Variants in CCDC85C observed in about 807,000 individuals in gnomAD.
CCDC85C encodes coiled-coil domain containing 85C.
In CCDC85C, 18 loss-of-function variants were observed where a neutral mutation model predicts 38.3. The ratio of observed to expected loss-of-function variants is 0.47; its 90% CI spans 0.33 to 0.70. The LOEUF is 0.70. Ranked by LOEUF, CCDC85C falls within the 30% of genes least tolerant of loss-of-function variation. The pLI, the probability that CCDC85C is intolerant of heterozygous loss-of-function variation, is 0.03. For synonymous variants in CCDC85C, 264 were observed against 293.8 expected (o/e 0.90, Z 1.04); for missense variants, 566 against 621.2 (o/e 0.91, Z 0.94).
chr14:99,568,576 G>A (rs1234457134), intron 1 of CCDC85C, among the ~76,000 whole-genome samples: 1 of 152,146 alleles, frequency 6.6e-6, no homozygotes, highest in African/African-American at 2.4e-5. Flanking sequence ...CCCCGCTCAG[G>A]AAAGACGTGG....
At chr14:99,565,585 G>A (rs1349549645) in intron 1 of CCDC85C, among the ~76,000 whole-genome samples, 1 of 152,164 alleles carries the variant, frequency 6.6e-6, no homozygotes, top group Non-Finnish European at 1.5e-5. Context: ...GTGTGTCTCT[G>A]TGATTCATGC....
intron 1 of CCDC85C, among the ~76,000 whole-genome samples, chr14:99,540,381 G>A (rs915895458): frequency 7.2e-5 from 11 of 152,152 alleles, no homozygotes; most frequent in Non-Finnish European, 1.0e-4. Flanking sequence ...ACTCCCAGGC[G>A]GGGGCTGGAG....
chr14:99,516,144 A>G lies in CCDC85C; in HGVS notation c.1170+44T>C, dbSNP rs1262171131. On this transcript the variant is annotated intron_variant, in intron 5 of 5. Transcript: ENST00000380243. The surrounding 1 kb of genome is among the most constrained non-coding windows in gnomAD (Gnocchi z 5.5). ...GGCCATGCTGGGTGGCCCTGGTCGC[A>G]CTCCCAGTGCCAAGCCTCTGCCCCC... The G allele has an allele frequency of 6.9e-7, 1 of 1,448,582 alleles. No homozygotes were observed. Among genetic ancestry groups the G allele is most frequent in the Admixed American group, 2.0e-5 (1 of 50,804 alleles). The allele number at this position is 1,448,582 out of a possible 1,614,324, so 89.7% of individuals were successfully genotyped here.
intron 1 of CCDC85C, among the ~76,000 whole-genome samples, chr14:99,590,477 G>A (rs2055073976): frequency 6.6e-6 from 1 of 152,184 alleles, no homozygotes; most frequent in Non-Finnish European, 1.5e-5. Context: ...GGGGTACCGG[G>A]GGCCTCCAGG....
At chr14:99,524,260 G>C (rs1293133966) in intron 2 of CCDC85C, among the ~76,000 whole-genome samples, 1 of 152,036 alleles carries the variant, frequency 6.6e-6, no homozygotes, top group Non-Finnish European at 1.5e-5. Context: ...GCCAGGAAGG[G>C]TACACCTGGG....
chr14:99,525,604 GCCT>G (rs1464144888), intron 2 of CCDC85C, among the ~76,000 whole-genome samples: 1 of 152,262 alleles, frequency 6.6e-6, no homozygotes, highest in Non-Finnish European at 1.5e-5. Context: ...CAAACAGAGC[GCCT>G]CCTGTGTGCC....
At chr14:99,567,524 A>T (rs1369189332) in intron 1 of CCDC85C, among the ~76,000 whole-genome samples, 1 of 152,168 alleles carries the variant, frequency 6.6e-6, no homozygotes, top group African/African-American at 2.4e-5. Flanking sequence ...GATAAAACTA[A>T]TCTTAAGATA....
chr14:99,540,836 T>C lies in CCDC85C; in HGVS notation c.794-4748A>G, dbSNP rs150384967. On this transcript the variant is annotated intron_variant, in intron 1 of 5. Transcript: ENST00000380243. The stretch of plus-strand genomic sequence containing the variant: ...GGTGGGGGAAAGCTGTGCAGCATGG[T>C]GGGGGGAGTCACAGAGCCTGCAGGT... 3.3e-3 allele frequency among the ~76,000 whole-genome samples: 500 copies of C among 152,196 alleles called. 8 individuals carry two copies. The highest frequency in any genetic ancestry group is 0.011 in the African/African-American group (470 of 41,512).
intron 2 of CCDC85C, 151 bp from the exon 3 acceptor site, chr14:99,522,391 C>A: frequency 1.8e-6 from 1 of 564,532 alleles, no homozygotes; most frequent in Non-Finnish European, 3.2e-6. Context: ...TTATCCATCC[C>A]CCGAGCCGGG....
chr14:99,602,960 C>G (rs1234852775), intron 1 of CCDC85C, among the ~76,000 whole-genome samples: 1 of 152,176 alleles, frequency 6.6e-6, no homozygotes, highest in Non-Finnish European at 1.5e-5. Context: ...GACAAAAAGA[C>G]GCTCCACCAC....
chr14:99,540,369 G>A (rs1367306106), intron 1 of CCDC85C, among the ~76,000 whole-genome samples: 1 of 152,176 alleles, frequency 6.6e-6, no homozygotes, highest in Non-Finnish European at 1.5e-5. Flanking sequence ...AGTGATCTGG[G>A]CACTCCCAGG....
intron 1 of CCDC85C, among the ~76,000 whole-genome samples, chr14:99,595,223 T>A (rs1160082123): frequency 6.6e-6 from 1 of 151,860 alleles, no homozygotes; most frequent in Non-Finnish European, 1.5e-5. Flanking sequence ...TTTGCTCGGC[T>A]CTTCTTTTTG....
intron 2 of CCDC85C, among the ~76,000 whole-genome samples, chr14:99,526,591 C>T (rs1397408304): frequency 6.6e-6 from 1 of 151,958 alleles, no homozygotes; most frequent in African/African-American, 2.4e-5. Flanking sequence ...GACCTCCCTC[C>T]AGGAAGAGGA....
Position 99,531,996 on chromosome 14 carries a change from G to A in CCDC85C, c.867+4019C>T, listed in dbSNP as rs931018504. Among the ~76,000 whole-genome samples, 7 of 152,320 alleles carry A rather than the reference G, an allele frequency of 4.6e-5. No homozygotes were observed. The South Asian group carries it at 6.2e-4, about 14-fold the overall frequency. ...GCAAGAACAGCCTCCCCTCTTGGCC[G>A]TGGAGACTGGACAGGGATCAGCCAC... On this transcript the variant is annotated intron_variant, in intron 2 of 5. Transcript: ENST00000380243.
At chr14:99,593,043 G>C (rs1301324454) in intron 1 of CCDC85C, among the ~76,000 whole-genome samples, 1 of 152,230 alleles carries the variant, frequency 6.6e-6, no homozygotes, top group Non-Finnish European at 1.5e-5. Context: ...CCGGGAAACA[G>C]AGCCTTGGCA....
At chr14:99,585,550 C>T (rs2055016771) in intron 1 of CCDC85C, among the ~76,000 whole-genome samples, 1 of 152,220 alleles carries the variant, frequency 6.6e-6, no homozygotes, top group African/African-American at 2.4e-5. Flanking sequence ...GTAGGAAGTG[C>T]TGAGTGACTG....
In CCDC85C at chr14:99,603,294, G is replaced by T. The variant is rs940604765; in HGVS notation, c.666C>A (p.His222Gln). Residue 222 changes from histidine to glutamine, a missense_variant, in exon 1 of 6, where the codon CAC (histidine) becomes CAA (glutamine). Around this residue, in one of 3 missense-constraint regions of CCDC85C, gnomAD observed 286 missense variants for 276.4 expected, o/e 1.03. Transcript: ENST00000380243. The surrounding 1 kb of genome is among the most constrained non-coding windows in gnomAD (Gnocchi z 7.5). ...GSGGSPDHHHHVPPPLLPPGP... is the reference protein window; with the variant it reads ...GSGGSPDHHHQVPPPLLPPGP... ...CGGGGGGCAGCAGCGGGGGTGGGACGTGGTGGTGGTGGTCGGGGCTGCCGC... is the reference window on the plus strand; with the variant it reads ...CGGGGGGCAGCAGCGGGGGTGGGACTTGGTGGTGGTGGTCGGGGCTGCCGC... 2.2e-6 allele frequency: 3 copies of T among 1,361,118 alleles called. No homozygotes were observed. Among genetic ancestry groups the T allele is most frequent in the East Asian group, 3.1e-5 (1 of 32,526 alleles). The allele number at this position is 1,361,118 out of a possible 1,614,324, so 84.3% of individuals were successfully genotyped here. A position where few individuals can be genotyped will look rare whatever the true frequency, so the allele number is the denominator to read the frequency against.
chr14:99,589,984 T>C (rs111769606), intron 1 of CCDC85C, among the ~76,000 whole-genome samples: 5 of 152,200 alleles, frequency 3.3e-5, no homozygotes, highest in Admixed American at 1.3e-4. Flanking sequence ...TGCTCAGAGG[T>C]TGGGTTGCAC....
chr14:99,553,335 G>A (rs1027081628), intron 1 of CCDC85C, among the ~76,000 whole-genome samples: 1 of 148,738 alleles, frequency 6.7e-6, no homozygotes, highest in African/African-American at 2.5e-5. Context: ...AATCTCACAC[G>A]GGGGCCACTA....
Sources: gnomAD v4.1 joint callset for allele counts (sites outside exome capture counted in the v4.1 genomes callset) on GRCh38, gnomAD v4.1.1 for gene constraint, gnomAD v4.1.1 regional missense constraint, Gnocchi (gnomAD v3.1) non-coding constraint, MANE v1.5 for transcripts, NCBI Gene and HGNC (gene_info 2026-07-23, HGNC 2026-07-21) for gene names.